Variants in FAM237A observed in about 807,000 individuals in gnomAD.
FAM237A encodes the protein protein FAM237A.
In FAM237A, 14 loss-of-function variants were observed where a neutral mutation model predicts 12.5. The ratio of observed to expected loss-of-function variants is 1.12; its 90% confidence interval spans 0.74 to 1.75. The LOEUF is 1.75. Among genes scored for constraint, FAM237A ranks in the 40% most tolerant of loss-of-function variants. FAM237A has a pLI of 0.00. For synonymous variants in FAM237A, 85 were observed against 77.5 expected (o/e 1.10, Z -0.51); for missense variants, 240 against 211.7 (o/e 1.13, Z -0.83).
intron 1 of FAM237A, among the ~76,000 whole-genome samples, chr2:206,643,802 A>G (rs1045198120): frequency 1.3e-5 from 2 of 152,206 alleles, no homozygotes; most frequent in Non-Finnish European, 2.9e-5. Flanking sequence ...GGTTAAATAT[A>G]TTTAAATTCT....
intron 1 of FAM237A, 55 bp from the exon 2 acceptor site, chr2:206,644,172 T>C: frequency 6.9e-7 from 1 of 1,441,630 alleles, no homozygotes; most frequent in South Asian, 1.5e-5. Flanking sequence ...ACTTATTTTC[T>C]TTACTGAGCA....
intron 2 of FAM237A, among the ~76,000 whole-genome samples, chr2:206,647,046 T>C (rs1197369991): frequency 1.3e-5 from 2 of 152,238 alleles, no homozygotes; most frequent in African/African-American, 4.8e-5. Context: ...TAAATCTTAC[T>C]ATGAATCATA....
chr2:206,643,877 G>C (rs544120558), intron 1 of FAM237A, among the ~76,000 whole-genome samples: 9 of 152,208 alleles, frequency 5.9e-5, no homozygotes, highest in Non-Finnish European at 1.3e-4. Flanking sequence ...AATAGTTAAA[G>C]CCATGCAGCA....
At chr2:206,644,178 G>A in intron 1 of FAM237A, 49 bp from the exon 2 acceptor site, 6 of 1,469,728 alleles carry the variant, frequency 4.1e-6, no homozygotes, top group Non-Finnish European at 5.5e-6. Flanking sequence ...TTTCTTTACT[G>A]AGCAGAGCAC....
At chr2:206,648,581 T>C in intron 2 of FAM237A, 80 bp from the exon 3 acceptor site, 1 of 1,406,772 alleles carries the variant, frequency 7.1e-7, no homozygotes, top group Non-Finnish European at 9.5e-7. Flanking sequence ...CAAACCTGCC[T>C]TTTAAAGATA....
rs16838415 is a variant in FAM237A, at chr2:206,644,482, T to C, written c.246T>C (p.Ser82=). Residue 82 remains serine (S), a synonymous_variant, in exon 2 of 3, where the codon TCT becomes TCC. Coordinates refer to ENST00000441223, the MANE Select transcript of FAM237A (RefSeq NM_001102659.3). ...FWDFMIYLKS[S]ENLKHGALFW... is the part of the protein sequence containing the mutation. ...ATTTTATGATCTACCTGAAGTCATC[T>C]GAGAACTTGAAGCATGGAGCACTGT... 3,001 of 1,614,002 alleles carry C rather than the reference T, an allele frequency of 1.9e-3. 51 individuals are homozygous for C. In the African/African-American group the frequency reaches 0.035, roughly 19 times the overall value.
At chr2:206,647,632 GACAC>G (rs34672675) in intron 2 of FAM237A, among the ~76,000 whole-genome samples, 11,693 of 139,582 alleles carry the variant, frequency 0.084, 536 homozygotes, top group Non-Finnish European at 0.11. Flanking sequence ...GAGACACACA[GACAC>G]ACACACACAC....
Position 206,648,875 on chromosome 2 carries a change from A to G in FAM237A, c.*81A>G. The G allele has an allele frequency of 4.4e-6, 5 of 1,126,212 alleles. No homozygotes were observed. The highest frequency in any genetic ancestry group is 4.7e-6 in the Non-Finnish European group (4 of 855,816). The allele number at this position is 1,126,212 out of a possible 1,614,324, so 69.8% of individuals were successfully genotyped here. On this transcript the variant is annotated 3_prime_UTR_variant, in exon 3 of 3. Coordinates refer to ENST00000441223, the MANE Select transcript of FAM237A (RefSeq NM_001102659.3). ...TTTCTTAACTATTGATTATTTATTT[A>G]TTTTAAATGGTGGGAATGCCCAGAG... is the stretch of plus-strand genomic sequence containing the variant.
In FAM237A at chr2:206,645,309, T is replaced by C. The variant is rs1699304136; in HGVS notation, c.412+661T>C. ...ATTTAGAGTTTTTCATTGAAGTAAA[T>C]ACTATATTCAAATAGTCTCGTCTGA... On this transcript the variant is annotated intron_variant, in intron 2 of 2. Coordinates refer to ENST00000441223, the MANE Select transcript of FAM237A (RefSeq NM_001102659.3). 2.6e-5 allele frequency among the ~76,000 whole-genome samples: 4 copies of C among 152,210 alleles called. No individual in the cohort carries two copies. In the South Asian group the frequency reaches 8.3e-4, roughly 32 times the overall value.
rs541430448 is a variant in FAM237A at position 206,646,986 on chromosome 2, AG to A, written c.413-1674del. Among the ~76,000 whole-genome samples the A allele has an allele frequency of 3.2e-4, 49 of 152,358 alleles. 1 individual carries two copies. Among genetic ancestry groups the A allele is most frequent in the Non-Finnish European group, 4.9e-4 (33 of 68,036 alleles). On this transcript the variant is annotated intron_variant, in intron 2 of 2. Coordinates refer to ENST00000441223, the MANE Select transcript of FAM237A (RefSeq NM_001102659.3). ...ATAAGTGTCTACGTAATATGCAAAA[AG>A]TTCTTGTTATTTTGATGTCTTCAGA...
intron 2 of FAM237A, among the ~76,000 whole-genome samples, chr2:206,647,128 C>A (rs1194184491): frequency 6.6e-6 from 1 of 151,972 alleles, no homozygotes; most frequent in Non-Finnish European, 1.5e-5. Context: ...ACTGAGTCAA[C>A]AAATATGAAA....
In FAM237A at chr2:206,644,597, G is replaced by A. The variant is rs757661111; in HGVS notation, c.361G>A (p.Glu121Lys). Residue 121 changes from glutamate to lysine, a missense_variant, in exon 2 of 3, where the codon GAG (glutamate) becomes AAG (lysine). Physicochemically the swap from Glu to Lys is moderately conservative, Grantham distance 56. Transcript: ENST00000441223. ...CTTAGGAAGGAGGCAATTGGTTGGA[G>A]AGGAAGAGAAAATCTCAGCAGCGCA... ...HGLGRRQLVG[E>K]EEKISAAQPQ... 1.9e-6 allele frequency: 3 copies of A among 1,608,176 alleles called. No individual in the cohort carries two copies. Among genetic ancestry groups the A allele is most frequent in the Non-Finnish European group, 8.5e-7 (1 of 1,177,820 alleles).
intron 2 of FAM237A, among the ~76,000 whole-genome samples, chr2:206,647,116 A>G (rs1699326682): frequency 6.6e-6 from 1 of 152,252 alleles, no homozygotes; most frequent in Non-Finnish European, 1.5e-5. Flanking sequence ...ATATTTGTTA[A>G]TACTGAGTCA....
intron 2 of FAM237A, among the ~76,000 whole-genome samples, chr2:206,647,643 A>ACACACACG (rs1182569762): frequency 6.6e-6 from 1 of 150,958 alleles, no homozygotes; most frequent in Non-Finnish European, 1.5e-5. Context: ...ACACACACAC[A>ACACACACG]CACACACACA....
chr2:206,644,064 G>T (rs1699286031), intron 1 of FAM237A, among the ~76,000 whole-genome samples, 163 bp from the exon 2 acceptor site: 1 of 152,224 alleles, frequency 6.6e-6, no homozygotes, highest in African/African-American at 2.4e-5. Context: ...AGTCATTTTA[G>T]ATAGAACGGA....
chr2:206,646,164 G>A (rs1460903191), intron 2 of FAM237A, among the ~76,000 whole-genome samples: 3 of 152,078 alleles, frequency 2.0e-5, no homozygotes, highest in Admixed American at 6.6e-5. Context: ...TTAGCCGGAT[G>A]TGGTGGCGGG....
At chr2:206,646,017 T>C (rs1022455390) in intron 2 of FAM237A, among the ~76,000 whole-genome samples, 2 of 152,028 alleles carry the variant, frequency 1.3e-5, no homozygotes, top group Non-Finnish European at 2.9e-5. Flanking sequence ...TTAAAAATCA[T>C]ATTGGCCAGG....
rs1399400502 is a variant in FAM237A at position 206,644,627 on chromosome 2, C to T, written c.391C>T (p.Gln131Ter). ...EEEKISAAQP[Q>*]HTRSKQGTYS... Reference sequence around the variant, plus strand: ...AGAGAAAATCTCAGCAGCGCAGCCACAGCACACAAGGAGTAAACAAGGTGG... The same window carrying T: ...AGAGAAAATCTCAGCAGCGCAGCCATAGCACACAAGGAGTAAACAAGGTGG... Residue 131 changes from glutamine (Q) to a stop codon, truncating the protein, a stop_gained, in exon 2 of 3, where the codon CAG becomes TAG. Transcript: ENST00000441223. LOFTEE classifies it high-confidence loss of function. 1.3e-6 allele frequency: 2 copies of T among 1,592,732 alleles called. No individual in the cohort carries two copies. Among genetic ancestry groups the T allele is most frequent in the African/African-American group, 1.3e-5 (1 of 74,222 alleles).
At chr2:206,647,296 A>T (rs10177335) in intron 2 of FAM237A, among the ~76,000 whole-genome samples, 2,152 of 152,288 alleles carry the variant, frequency 0.014, 49 homozygotes, top group African/African-American at 0.048. Flanking sequence ...AAAGAAACGT[A>T]TGAAAGGCAC....
Sources: allele counts gnomAD v4.1 joint callset (sites outside exome capture counted in the v4.1 genomes callset), GRCh38; gene constraint gnomAD v4.1.1; transcripts MANE v1.5; gene names NCBI Gene and HGNC (gene_info 2026-07-23, HGNC 2026-07-21).